Variants in PPEF1 observed in about 807,000 individuals in gnomAD.
The protein encoded by PPEF1 is serine/threonine-protein phosphatase with EF-hands 1.
PPEF1 carries 12 observed loss-of-function variants against 53.3 expected under a neutral mutation model. The observed-to-expected ratio is 0.23, with a 90% CI of 0.14 to 0.36. The LOEUF (loss-of-function observed/expected upper bound fraction) is 0.36. Among genes scored for constraint, PPEF1 ranks in the 10% least tolerant of loss-of-function variants. The pLI is 1.00. For missense variants in PPEF1, 334 were observed against 490.4 expected (o/e 0.68, Z 3.01); for synonymous variants, 165 against 176.7 (o/e 0.93, Z 0.52).
intron 12 of PPEF1, among the ~76,000 whole-genome samples, chrX:18,817,068 A>ATGTGTG (rs72334387): frequency 1.7e-4 from 17 of 100,118 alleles, no homozygotes; most frequent in African/African-American, 5.1e-4. Flanking sequence ...TCATTTTGCC[A>ATGTGTG]TGTGTGTGTG....
intron 6 of PPEF1, among the ~76,000 whole-genome samples, chrX:18,778,773 G>A (rs1467681515): frequency 9.0e-6 from 1 of 110,561 alleles, no homozygotes; most frequent in East Asian, 2.9e-4. Flanking sequence ...AATTAGCACC[G>A]TCCCATCCTC....
At chrX:18,737,633 T>C (rs1452423497) in intron 3 of PPEF1, among the ~76,000 whole-genome samples, 2 of 111,920 alleles carry the variant, frequency 1.8e-5, no homozygotes, top group East Asian at 5.6e-4. Flanking sequence ...TAGATGTCTA[T>C]TAGGTCTGCT....
At chrX:18,675,350 G>C (rs925039792), upstream of PPEF1, among the ~76,000 whole-genome samples, 1 of 113,640 alleles carries the variant, frequency 8.8e-6, no homozygotes, top group Non-Finnish European at 1.9e-5. Flanking sequence ...TTTCCCAACC[G>C]GCAAACTGAG....
chrX:18,712,666 A>G (rs1014829755), intron 1 of PPEF1, among the ~76,000 whole-genome samples: 4 of 112,141 alleles, frequency 3.6e-5, no homozygotes, highest in African/African-American at 1.3e-4. Context: ...GAAATGCAAG[A>G]GTAGCCATCC....
At position 18,788,113 on chromosome X, in the gene PPEF1, A is replaced by G. The variant is rs371931020; in HGVS notation, c.913-1008A>G. 1.9e-3 allele frequency among the ~76,000 whole-genome samples: 216 copies of G among 111,166 alleles called. 1 individual carries two copies. The highest frequency in any genetic ancestry group is 7.6e-3 in the South Asian group (20 of 2,624). ...GGGCGGATCACGAGGTCAGGAGATC[A>G]AGACCATCCTGGCTAACACGGTGAC... On this transcript the variant is annotated intron_variant, in intron 9 of 15. Transcript: ENST00000470157.
rs1057277406 is a variant in PPEF1, at chrX:18,827,570, T to C, written c.*83T>C. On this transcript the variant is annotated 3_prime_UTR_variant, in exon 16 of 16. Coordinates refer to ENST00000470157, the MANE Select transcript of PPEF1 (RefSeq NM_001377996.1). ...CAGTCCTTTCCAACACCCCTGAAAT[T>C]CATAGTCAGTAGCAGAGAAAAGCAG... 1.2e-5 allele frequency: 9 copies of C among 782,201 alleles called. No homozygotes were observed. The highest frequency in any genetic ancestry group is 1.1e-5 in the Non-Finnish European group (6 of 530,806). 64.5% of individuals were successfully genotyped at this position (782,201 alleles called of 1,213,427 possible). A position where few individuals can be genotyped will look rare whatever the true frequency, so the allele number is the denominator to read the frequency against.
At chrX:18,798,209 T>A (rs911586258) in intron 10 of PPEF1, among the ~76,000 whole-genome samples, 4 of 110,943 alleles carry the variant, frequency 3.6e-5, no homozygotes, top group African/African-American at 1.3e-4. Flanking sequence ...ATTTTTTTAT[T>A]TTTTATAGAG....
chrX:18,762,299 T>C (rs1424212733), intron 6 of PPEF1, among the ~76,000 whole-genome samples: 1 of 111,965 alleles, frequency 8.9e-6, no homozygotes, highest in Non-Finnish European at 1.9e-5. Context: ...CTTCTGAATG[T>C]CTCTTTTTGA....
chrX:18,811,587 G>GTATATATA (rs59907227), intron 12 of PPEF1, among the ~76,000 whole-genome samples: 9 of 43,980 alleles, frequency 2.0e-4, no homozygotes, highest in Middle Eastern at 0.012. Context: ...CACTTATTCA[G>GTATATATA]TATATATATA....
intron 14 of PPEF1, 36 bp downstream of exon 14, chrX:18,824,122 G>A: frequency 8.8e-7 from 1 of 1,142,217 alleles, no homozygotes; most frequent in Non-Finnish European, 1.2e-6. Flanking sequence ...AACCTAGCCA[G>A]GGTGAAACAT....
At chrX:18,785,540 T>C (rs1257296089) in intron 9 of PPEF1, among the ~76,000 whole-genome samples, 1 of 110,349 alleles carries the variant, frequency 9.1e-6, no homozygotes, top group Non-Finnish European at 1.9e-5. Flanking sequence ...TTACACCTGT[T>C]GTCCTATTGT....
At chrX:18,690,852 A>C (rs1298040014) in intron 3 of PPEF1, 1 of 112,564 alleles carries the variant, frequency 8.9e-6, no homozygotes, top group Non-Finnish European at 1.9e-5. Flanking sequence ...TTCCATTGGC[A>C]GGTATTGTCA....
Position 18,693,251 on chromosome X carries a change from A to C in PPEF1, c.-313+2157A>C, listed in dbSNP as rs765904041. Among the ~76,000 whole-genome samples, 5 of 112,045 alleles carry C rather than the reference A, an allele frequency of 4.5e-5. No individual in the cohort carries two copies. The South Asian group carries it at 1.9e-3, about 42-fold the overall frequency. ...CAGCCCATTAAGCATTTGAAAGGACAATCCCTGACTGATAAGTTGAAGTCC... is the reference window on the plus strand; with the variant it reads ...CAGCCCATTAAGCATTTGAAAGGACCATCCCTGACTGATAAGTTGAAGTCC... On this transcript the variant is annotated intron_variant, in intron 4 of 21. Transcript: ENST00000361511.
intron 3 of PPEF1, among the ~76,000 whole-genome samples, chrX:18,690,410 T>C (rs1389390703): frequency 1.0e-5 from 1 of 99,746 alleles, no homozygotes; most frequent in African/African-American, 3.7e-5. Flanking sequence ...AGAGTCTTAC[T>C]CTGTCACCCA....
intron 10 of PPEF1, among the ~76,000 whole-genome samples, chrX:18,794,814 A>C (rs1314300029): frequency 1.8e-5 from 2 of 112,065 alleles, no homozygotes; most frequent in Middle Eastern, 4.2e-3. Flanking sequence ...TGGGGGAAGA[A>C]GGAGCCCCGT....
At position 18,782,409 on chromosome X, in the gene PPEF1, C is replaced by T; in HGVS notation, c.762+7C>T. ...AATTTTGCATAAATATAAGGTAAGA[C>T]ATGCTTTTTTTTTTTTTTTTAGTAT... is the stretch of plus-strand genomic sequence containing the variant. On this transcript the variant is annotated splice_region_variant and intron_variant, in intron 8 of 15. Transcript: ENST00000470157. 1 of 995,047 alleles carries T rather than the reference C, an allele frequency of 1.0e-6. No homozygotes were observed. The highest frequency in any genetic ancestry group is 2.2e-5 in the South Asian group (1 of 46,100). 82.0% of individuals were successfully genotyped at this position (995,047 alleles called of 1,213,427 possible). A position where few individuals can be genotyped will look rare whatever the true frequency, so the allele number is the denominator to read the frequency against.
chrX:18,737,948 C>T (rs2045030984), intron 3 of PPEF1, among the ~76,000 whole-genome samples: 1 of 110,982 alleles, frequency 9.0e-6, no homozygotes, highest in Non-Finnish European at 1.9e-5. Flanking sequence ...ATTGCAACCC[C>T]TGCTTTTTTT....
At chrX:18,760,747 G>T (rs372368327) in intron 5 of PPEF1, among the ~76,000 whole-genome samples, 2 of 105,233 alleles carry the variant, frequency 1.9e-5, no homozygotes, top group East Asian at 5.9e-4. Context: ...GAGTAGCTAG[G>T]ATCACAGGTG....
intron 2 of PPEF1, among the ~76,000 whole-genome samples, chrX:18,685,513 A>G (rs1248949601): frequency 9.1e-6 from 1 of 109,896 alleles, no homozygotes; most frequent in Non-Finnish European, 1.9e-5. Flanking sequence ...GTGAAACCCC[A>G]TCTCTACTAA....
Sources: gnomAD v4.1 joint callset for allele counts (sites outside exome capture counted in the v4.1 genomes callset) on GRCh38, gnomAD v4.1.1 for gene constraint, MANE v1.5 for transcripts, NCBI Gene and HGNC (gene_info 2026-07-23, HGNC 2026-07-21) for gene names.